GRM8: variants seen among roughly 807,000 people sequenced by gnomAD.
GRM8 encodes metabotropic glutamate receptor 8.
GRM8 carries 47 observed loss-of-function variants against 87.2 expected under a neutral mutation model. The observed-to-expected ratio is 0.54, with a 90% CI of 0.43 to 0.69. The LOEUF (loss-of-function observed/expected upper bound fraction) is 0.69, where lower values mean the gene tolerates loss of function less well. Among genes scored for constraint, GRM8 ranks in the 30% least tolerant of loss-of-function variants. GRM8 has a pLI of 0.00. For missense variants in GRM8, 1,019 were observed against 1,139.2 expected, an observed-to-expected ratio of 0.89 and a Z score of 1.52; for synonymous variants, 396 against 404.5, an observed-to-expected ratio of 0.98 and a Z score of 0.25.
At chr7:126,767,423 T>C (rs905020263) in intron 7 of GRM8, among the ~76,000 whole-genome samples, 8 of 152,160 alleles carry the variant, frequency 5.3e-5, no homozygotes, top group Non-Finnish European at 8.8e-5. Context: ...CATTTGGCTG[T>C]CAAAGTCGCA....
intron 9 of GRM8, among the ~76,000 whole-genome samples, chr7:126,470,369 T>C (rs945008992): frequency 8.6e-6 from 1 of 116,752 alleles, no homozygotes; most frequent in African/African-American, 3.4e-5. Context: ...GTCCCCAGAG[T>C]GTGAGGTTCC....
At chr7:126,927,438 G>A (rs1158932154) in intron 3 of GRM8, among the ~76,000 whole-genome samples, 1 of 151,844 alleles carries the variant, frequency 6.6e-6, no homozygotes, top group Non-Finnish European at 1.5e-5. Flanking sequence ...TGCCCAGCCT[G>A]TTTATTGTGA....
chr7:126,752,450 G>A (rs528886286), intron 7 of GRM8, among the ~76,000 whole-genome samples: 98 of 152,108 alleles, frequency 6.4e-4, no homozygotes, highest in Non-Finnish European at 1.0e-3. Flanking sequence ...GTAGTGTCAT[G>A]TTCACAGTGT....
Position 126,568,415 on chromosome 7 carries a change from A to G in GRM8, c.1495-34528T>C, listed in dbSNP as rs538213218. Among the ~76,000 whole-genome samples the G allele has an allele frequency of 3.9e-5, 6 of 152,264 alleles. No individual in the cohort carries two copies. The East Asian group carries it at 5.8e-4, about 15-fold the overall frequency. On this transcript the variant is annotated intron_variant, in intron 8 of 10. Coordinates refer to ENST00000339582, the MANE Select transcript of GRM8 (RefSeq NM_000845.3). ...TTCGGAACTGATGTAAGTCTTTAAA[A>G]CTAAGTTATTTAGGGTTACCTGATT...
chr7:126,957,091 T>C (rs1267818672), intron 3 of GRM8, among the ~76,000 whole-genome samples: 1 of 152,120 alleles, frequency 6.6e-6, no homozygotes, highest in African/African-American at 2.4e-5. Context: ...AAAGTTAGAC[T>C]ACTACACTGG....
chr7:127,186,830 C>T (rs1269168224), intron 2 of GRM8, among the ~76,000 whole-genome samples: 1 of 152,174 alleles, frequency 6.6e-6, no homozygotes, highest in African/African-American at 2.4e-5. Flanking sequence ...TTGGTTATGC[C>T]TTCTTTGTTC....
chr7:127,034,074 A>C (rs17865221), intron 3 of GRM8, among the ~76,000 whole-genome samples: 1,687 of 152,306 alleles, frequency 0.011, 27 homozygotes, highest in African/African-American at 0.037. Context: ...TGGGGAAGGA[A>C]ATGCAAGACA....
In GRM8 at chr7:126,493,795, G is replaced by A. The variant is rs1348249768; in HGVS notation, c.2430+39157C>T. On this transcript the variant is annotated intron_variant, in intron 9 of 10. Coordinates refer to ENST00000339582, the MANE Select transcript of GRM8 (RefSeq NM_000845.3). Reference sequence around the variant, plus strand: ...CTCTATATGCAGTTCTCCCTAATCTGTCTTTTACCCAGACATCTATATGGT... The same window carrying A: ...CTCTATATGCAGTTCTCCCTAATCTATCTTTTACCCAGACATCTATATGGT... 2.6e-5 allele frequency among the ~76,000 whole-genome samples: 4 copies of A among 152,074 alleles called. No individual in the cohort carries two copies. The South Asian group carries it at 6.2e-4, about 24-fold the overall frequency.
intron 8 of GRM8, among the ~76,000 whole-genome samples, chr7:126,567,112 A>G (rs1428206079): frequency 6.6e-6 from 1 of 152,206 alleles, no homozygotes; most frequent in Non-Finnish European, 1.5e-5. Flanking sequence ...GAAATTACTC[A>G]TCAACATTTT....
intron 8 of GRM8, among the ~76,000 whole-genome samples, chr7:126,599,218 T>A (rs1350785844): frequency 6.6e-6 from 1 of 152,134 alleles, no homozygotes; most frequent in Non-Finnish European, 1.5e-5. Context: ...GTCACATACA[T>A]GCACTCCTCT....
chr7:126,750,676 C>T (rs78784889), intron 7 of GRM8, among the ~76,000 whole-genome samples: 4,246 of 152,032 alleles, frequency 0.028, 220 homozygotes, highest in African/African-American at 0.097. Context: ...CTTTTTTTGG[C>T]TTTTGCTCCT....
intron 3 of GRM8, among the ~76,000 whole-genome samples, chr7:127,015,007 G>GA (rs1386414330): frequency 4.1e-5 from 2 of 48,968 alleles, no homozygotes; most frequent in African/African-American, 1.9e-4. Flanking sequence ...GAAGAAAGAA[G>GA]AAGAAGAAGA....
chr7:126,885,483 C>T (rs966763790), intron 6 of GRM8, among the ~76,000 whole-genome samples: 1 of 152,126 alleles, frequency 6.6e-6, no homozygotes, highest in Non-Finnish European at 1.5e-5. Context: ...ATCTGTGCCC[C>T]TAAAGCAGTC....
intron 3 of GRM8, among the ~76,000 whole-genome samples, chr7:127,061,685 G>A (rs756903896): frequency 1.2e-4 from 19 of 152,100 alleles, no homozygotes; most frequent in Non-Finnish European, 2.4e-4. Context: ...CATCTGGGGT[G>A]TTGACTGATA....
At chr7:127,226,097 T>C (rs62468892) in intron 2 of GRM8, among the ~76,000 whole-genome samples, 3,846 of 152,304 alleles carry the variant, frequency 0.025, 63 homozygotes, top group South Asian at 0.074. Context: ...GTAGTGGCAC[T>C]GGTAACTTTA....
At chr7:126,509,012 A>G (rs1810916976) in intron 9 of GRM8, among the ~76,000 whole-genome samples, 1 of 152,054 alleles carries the variant, frequency 6.6e-6, no homozygotes, top group Non-Finnish European at 1.5e-5. Context: ...TTGTCTCTCC[A>G]TAACATATAC....
chr7:127,121,433 A>G (rs1827078544), intron 2 of GRM8, among the ~76,000 whole-genome samples: 1 of 152,168 alleles, frequency 6.6e-6, no homozygotes, highest in Non-Finnish European at 1.5e-5. Context: ...CTCATTTCCC[A>G]TGCTTGCCAT....
At chr7:126,828,957 G>T in intron 6 of GRM8, among the ~76,000 whole-genome samples, 1 of 152,058 alleles carries the variant, frequency 6.6e-6, no homozygotes, top group Non-Finnish European at 1.5e-5. Context: ...ATTTCGTTAT[G>T]TACCCAGTAG....
At chr7:126,639,761 T>C (rs1802191731) in intron 7 of GRM8, among the ~76,000 whole-genome samples, 1 of 152,224 alleles carries the variant, frequency 6.6e-6, no homozygotes. Context: ...AATGTAGCAA[T>C]ACCTGGATTT....
Sources: gnomAD v4.1 joint callset for allele counts (sites outside exome capture counted in the v4.1 genomes callset) on GRCh38, gnomAD v4.1.1 for gene constraint, MANE v1.5 for transcripts, NCBI Gene and HGNC (gene_info 2026-07-23, HGNC 2026-07-21) for gene names.